TNS3: variants seen among roughly 807,000 people sequenced by gnomAD.
TNS3 encodes the protein tensin-3.
Under a neutral mutation model 140.9 loss-of-function variants are expected in TNS3, and 45 were observed. The ratio of observed to expected loss-of-function variants is 0.32; its 90% CI spans 0.25 to 0.41. The LOEUF (loss-of-function observed/expected upper bound fraction) is 0.41. TNS3 is among the 10% of genes least tolerant of loss of function. The pLI, the probability that TNS3 is intolerant of heterozygous loss-of-function variation, is 1.00. For missense variants in TNS3, 1,716 were observed against 1,906.7 expected (o/e 0.90, Z 1.86); for synonymous variants, 815 against 788.4 (o/e 1.03, Z -0.56).
At chr7:47,562,338 G>A (rs1800333248) in intron 1 of TNS3, among the ~76,000 whole-genome samples, 1 of 150,784 alleles carries the variant, frequency 6.6e-6, no homozygotes, top group South Asian at 2.1e-4. Context: ...TTTGGTCAAA[G>A]GTGGATAAAC....
chr7:47,369,530 C>G lies in TNS3; in HGVS notation c.1116G>C (p.Gln372His). Residue 372 changes from glutamine to histidine, a missense_variant, in exon 17 of 31, where the codon CAG becomes CAC. Around this residue, in one of 3 missense-constraint regions of TNS3, gnomAD observed 1,163 missense variants for 1,182.1 expected, o/e 0.98. Transcript: ENST00000311160. ...SSDPGIPGGP[Q>H]AIPATNSPDH... Reference sequence around the variant, plus strand: ...CTGGGCTGTTGGTGGCCGGGATTGCCTGGGGGCCACCTGGGATGCCAGGAT... The same window carrying G: ...CTGGGCTGTTGGTGGCCGGGATTGCGTGGGGGCCACCTGGGATGCCAGGAT... 6.2e-7 allele frequency: 1 copy of G among 1,613,704 alleles called. No individual in the cohort carries two copies. The highest frequency in any genetic ancestry group is 1.1e-5 in the South Asian group (1 of 90,992).
At chr7:47,442,991 A>G (rs1795543295) in intron 4 of TNS3, among the ~76,000 whole-genome samples, 1 of 152,198 alleles carries the variant, frequency 6.6e-6, no homozygotes, top group Non-Finnish European at 1.5e-5. Context: ...AACAATACAG[A>G]TGTTTTCCTG....
chr7:47,469,099 T>A (rs180919654), intron 4 of TNS3, among the ~76,000 whole-genome samples: 2 of 152,344 alleles, frequency 1.3e-5, no homozygotes, highest in East Asian at 3.9e-4. Flanking sequence ...CAAGGTAGAT[T>A]ACAGATTTAA....
chr7:47,392,485 G>T (rs1297934454), intron 16 of TNS3, among the ~76,000 whole-genome samples: 1 of 152,156 alleles, frequency 6.6e-6, no homozygotes, highest in Non-Finnish European at 1.5e-5. Context: ...GCGGCGGGGG[G>T]ATAGAAAAGG....
chr7:47,345,564 G>A (rs949023544), intron 18 of TNS3, among the ~76,000 whole-genome samples: 13 of 152,144 alleles, frequency 8.5e-5, no homozygotes, highest in Admixed American at 2.0e-4. Flanking sequence ...TTGCCAACTT[G>A]AAAAGAAATC....
At chr7:47,308,384 A>G (rs565897158) in intron 20 of TNS3, among the ~76,000 whole-genome samples, 17 of 152,336 alleles carry the variant, frequency 1.1e-4, no homozygotes, top group Admixed American at 1.1e-3. Context: ...CATAGTAAAA[A>G]TAAATGTCTT....
At chr7:47,524,818 A>AAAAAAAAAAAAAAAAAAAG (rs1799131188) in intron 2 of TNS3, among the ~76,000 whole-genome samples, 1 of 143,048 alleles carries the variant, frequency 7.0e-6, no homozygotes, top group African/African-American at 2.7e-5. Flanking sequence ...CAAGAAAAAA[A>AAAAAAAAAAAAAAAAAAAG]AAAAAAAAAA....
At chr7:47,500,432 C>T (rs1167305801) in intron 3 of TNS3, among the ~76,000 whole-genome samples, 1 of 152,212 alleles carries the variant, frequency 6.6e-6, no homozygotes, top group Non-Finnish European at 1.5e-5. Flanking sequence ...GCAAGAGATG[C>T]AACTGCTCGG....
chr7:47,462,635 T>C (rs1224809310), intron 4 of TNS3, among the ~76,000 whole-genome samples: 1 of 152,170 alleles, frequency 6.6e-6, no homozygotes, highest in African/African-American at 2.4e-5. Context: ...AGGCTGTCAC[T>C]TCATCTAGTT....
rs147033516 is a variant in TNS3, at chr7:47,408,402, C to T, written c.723+3325G>A. Among the ~76,000 whole-genome samples the T allele has an allele frequency of 8.3e-3, 1,245 of 149,676 alleles. 5 individuals carry two copies. The highest frequency in any genetic ancestry group is 0.012 in the Non-Finnish European group (811 of 67,402). The stretch of plus-strand genomic sequence containing the variant: ...CTACTCAGACCACACGCTTGGGCTG[C>T]GGTGCCCACTACAGGGTGGGACAGG... On this transcript the variant is annotated intron_variant, in intron 13 of 30. Coordinates refer to ENST00000311160, the MANE Select transcript of TNS3 (RefSeq NM_022748.12).
intron 4 of TNS3, among the ~76,000 whole-genome samples, chr7:47,445,863 G>C (rs903810147): frequency 6.6e-6 from 1 of 152,188 alleles, no homozygotes; most frequent in Non-Finnish European, 1.5e-5. Context: ...CAATGTCACT[G>C]TAAGTCTTTA....
Position 47,304,861 on chromosome 7 carries a change from G to A in TNS3, c.2793C>T (p.Ser931=). ...CTCTCCTCTGCCCAGGGCCGTTGCT[G>A]GAAATGGTGCAGGAAGAAGCAAAAG... ...QQAFASSCTI[S]SNGPGQRRES... is the part of the protein sequence containing the mutation. The change falls in exon 21 of 31, where the codon TCC becomes TCT. Residue 931 remains serine (S), a synonymous_variant. Coordinates refer to ENST00000311160, the MANE Select transcript of TNS3 (RefSeq NM_022748.12). 7.2e-7 allele frequency: 1 copy of A among 1,391,966 alleles called. No individual in the cohort carries two copies. Among genetic ancestry groups the A allele is most frequent in the South Asian group, 1.9e-5 (1 of 53,642 alleles). The allele number at this position is 1,391,966 out of a possible 1,614,324, so 86.2% of individuals were successfully genotyped here.
At chr7:47,456,591 G>C (rs1353563278) in intron 4 of TNS3, among the ~76,000 whole-genome samples, 1 of 152,198 alleles carries the variant, frequency 6.6e-6, no homozygotes, top group Non-Finnish European at 1.5e-5. Flanking sequence ...GAGGCCAGGA[G>C]GGCATCCATT....
chr7:47,292,899 A>G lies in TNS3; in HGVS notation c.3779T>C (p.Leu1260Pro). The stretch of plus-strand genomic sequence containing the variant: ...GGAATGCTGGCACACCAAGGCCGTC[A>G]GGCTCCCTGCAAAGTGGACAGACAG... ...GCSNEPYFGS[L>P]TALVCQHSIT... Residue 1260 changes from leucine to proline, a missense_variant, in exon 26 of 31, where the codon CTG (leucine) becomes CCG (proline). By Grantham distance (98) the Leu-to-Pro change is moderately conservative. Coordinates refer to ENST00000311160, the MANE Select transcript of TNS3 (RefSeq NM_022748.12). 6.2e-7 allele frequency: 1 copy of G among 1,614,072 alleles called. No individual in the cohort carries two copies. The highest frequency in any genetic ancestry group is 1.1e-5 in the South Asian group (1 of 91,076).
In TNS3 at chr7:47,398,245, G is replaced by A. The variant is rs555933182; in HGVS notation, c.920-1341C>T. On this transcript the variant is annotated intron_variant, in intron 15 of 30. Coordinates refer to ENST00000311160, the MANE Select transcript of TNS3 (RefSeq NM_022748.12). ...TCTACCATCCATTCAAAGAAGAACTGGTGCCAATCCTACTGAACAATTCCA... is the reference window on the plus strand; with the variant it reads ...TCTACCATCCATTCAAAGAAGAACTAGTGCCAATCCTACTGAACAATTCCA... 3.3e-4 allele frequency among the ~76,000 whole-genome samples: 50 copies of A among 152,184 alleles called. 1 individual carries two copies. Among genetic ancestry groups the A allele is most frequent in the African/African-American group, 1.2e-3 (48 of 41,526 alleles).
At chr7:47,358,081 T>C (rs1053964374) in intron 17 of TNS3, among the ~76,000 whole-genome samples, 4 of 152,072 alleles carry the variant, frequency 2.6e-5, no homozygotes, top group African/African-American at 7.2e-5. Flanking sequence ...TTCACATGCA[T>C]TGGTTTTCTT....
chr7:47,548,913 T>C (rs1481296305), intron 1 of TNS3, among the ~76,000 whole-genome samples: 1 of 152,144 alleles, frequency 6.6e-6, no homozygotes, highest in East Asian at 1.9e-4. Flanking sequence ...TCTGCACAAA[T>C]AGCACCACTT....
intron 2 of TNS3, among the ~76,000 whole-genome samples, chr7:47,521,560 G>A (rs945109268): frequency 3.3e-5 from 5 of 152,192 alleles, no homozygotes; most frequent in African/African-American, 9.7e-5. Flanking sequence ...TGGCTGGCTA[G>A]TCACTGGCCA....
intron 1 of TNS3, chr7:47,557,255 G>T (rs1006592662): frequency 7.3e-6 from 3 of 411,160 alleles, no homozygotes; most frequent in African/African-American, 6.1e-5. Context: ...TCTTTCCTCA[G>T]GGTGCAGTCA....
Sources: gnomAD v4.1 joint callset for allele counts (sites outside exome capture counted in the v4.1 genomes callset) on GRCh38, gnomAD v4.1.1 for gene constraint, gnomAD v4.1.1 regional missense constraint, MANE v1.5 for transcripts, NCBI Gene and HGNC (gene_info 2026-07-23, HGNC 2026-07-21) for gene names.